Variants in DAB1 observed in about 807,000 individuals in gnomAD.
The protein encoded by DAB1 is DAB adaptor protein 1.
In DAB1, 15 loss-of-function variants were observed where a neutral mutation model predicts 64.6. The observed-to-expected ratio is 0.23, with a 90% confidence interval of 0.16 to 0.36. The LOEUF is 0.36. Ranked by LOEUF, DAB1 falls within the 10% of genes least tolerant of loss-of-function variation. The pLI, the probability that DAB1 is intolerant of heterozygous loss-of-function variation, is 1.00. For synonymous variants in DAB1, 235 were observed against 251.9 expected, an observed-to-expected ratio of 0.93 and a Z score of 0.64; for missense variants, 596 against 706.7, an observed-to-expected ratio of 0.84 and a Z score of 1.78.
chr1:57,771,105 C>T (rs991583455), intron 6 of DAB1, among the ~76,000 whole-genome samples: 2 of 152,192 alleles, frequency 1.3e-5, no homozygotes, highest in African/African-American at 2.4e-5. Context: ...AATGTACATG[C>T]CCCATACCTG....
rs1653544550 is a variant in DAB1, at chr1:58,131,227, C to T, written n.387+19284G>A. ...TTCATTTCATCTTCCATTGCTGATACCCTTTCTTCCAGTTGATCGCATCGG... is the reference window on the plus strand; with the variant it reads ...TTCATTTCATCTTCCATTGCTGATATCCTTTCTTCCAGTTGATCGCATCGG... On this transcript the variant is annotated intron_variant and non_coding_transcript_variant, in intron 5 of 20. Transcript: ENST00000485760. Among the ~76,000 whole-genome samples the T allele has an allele frequency of 3.4e-5, 5 of 145,520 alleles. No individual in the cohort carries two copies. The South Asian group carries it at 1.2e-3, about 35-fold the overall frequency.
At chr1:58,119,398 G>A (rs1354297404) in intron 5 of DAB1, among the ~76,000 whole-genome samples, 1 of 151,398 alleles carries the variant, frequency 6.6e-6, no homozygotes, top group Non-Finnish European at 1.5e-5. Flanking sequence ...AAATATTAAT[G>A]TATTTAATTG....
At chr1:57,258,504 C>T (rs988569474) in intron 2 of DAB1, among the ~76,000 whole-genome samples, 2 of 152,068 alleles carry the variant, frequency 1.3e-5, no homozygotes, top group Non-Finnish European at 2.9e-5. Flanking sequence ...TTTTGTTTAT[C>T]GGAGCTGTGC....
At chr1:57,719,085 A>C (rs891698516) in intron 6 of DAB1, among the ~76,000 whole-genome samples, 4 of 152,246 alleles carry the variant, frequency 2.6e-5, no homozygotes, top group African/African-American at 7.2e-5. Flanking sequence ...TAAGTGAAAA[A>C]ACATATGTTG....
chr1:57,063,510 G>A (rs1479095684), intron 8 of DAB1, among the ~76,000 whole-genome samples: 2 of 152,148 alleles, frequency 1.3e-5, no homozygotes, highest in South Asian at 2.1e-4. Flanking sequence ...GGCCTAGTAC[G>A]CAGAAGATCT....
At chr1:57,082,573 T>A (rs141444708) in intron 4 of DAB1, among the ~76,000 whole-genome samples, 1 of 152,196 alleles carries the variant, frequency 6.6e-6, no homozygotes. Flanking sequence ...GTGCAGGACA[T>A]GCAGGTTTGT....
At chr1:57,721,651 T>C (rs1162308099) in intron 6 of DAB1, among the ~76,000 whole-genome samples, 2 of 152,190 alleles carry the variant, frequency 1.3e-5, no homozygotes, top group Non-Finnish European at 2.9e-5. Context: ...AGCCACTATG[T>C]TGAGCTGCTT....
At chr1:57,829,925 T>C (rs1652514834) in intron 1 of DAB1, among the ~76,000 whole-genome samples, 1 of 152,218 alleles carries the variant, frequency 6.6e-6, no homozygotes, top group Non-Finnish European at 1.5e-5. Context: ...AGATGTATGA[T>C]ACTATGTTGA....
chr1:57,597,882 C>T (rs775363031), intron 7 of DAB1, among the ~76,000 whole-genome samples: 11 of 152,240 alleles, frequency 7.2e-5, no homozygotes, highest in African/African-American at 9.6e-5. Context: ...TTAAAATATG[C>T]ATACAAGCCA....
intron 6 of DAB1, among the ~76,000 whole-genome samples, chr1:57,766,048 TC>T (rs1649297257): frequency 6.6e-6 from 1 of 152,144 alleles, no homozygotes; most frequent in Non-Finnish European, 1.5e-5. Flanking sequence ...GTTCACTCCT[TC>T]GGTGATCTCA....
At chr1:58,328,911 G>C (rs1285279731) in intron 4 of DAB1, among the ~76,000 whole-genome samples, 2 of 152,046 alleles carry the variant, frequency 1.3e-5, no homozygotes, top group East Asian at 3.9e-4. Flanking sequence ...ATTTCTCAAG[G>C]CCTAACTTAA....
At chr1:58,375,927 A>C (rs565800075) in intron 3 of DAB1, among the ~76,000 whole-genome samples, 1 of 143,682 alleles carries the variant, frequency 7.0e-6, no homozygotes, top group African/African-American at 2.5e-5. Context: ...GTATGTGTCC[A>C]GGAATGTATC....
At chr1:58,372,768 A>C (rs1481896985) in intron 3 of DAB1, among the ~76,000 whole-genome samples, 1 of 152,164 alleles carries the variant, frequency 6.6e-6, no homozygotes, top group Non-Finnish European at 1.5e-5. Flanking sequence ...ATGCTTTAAA[A>C]GTGTTTGGCA....
intron 11 of DAB1, among the ~76,000 whole-genome samples, chr1:57,016,309 T>A (rs1646430109): frequency 6.6e-6 from 1 of 152,080 alleles, no homozygotes. Context: ...GGGCCAGATG[T>A]GGTGGCTTAT....
At chr1:57,548,619 T>C (rs1384506883) in intron 7 of DAB1, among the ~76,000 whole-genome samples, 5 of 152,208 alleles carry the variant, frequency 3.3e-5, no homozygotes, top group Non-Finnish European at 5.9e-5. Flanking sequence ...GACTTAACAG[T>C]ATTTTCTCCT....
rs192259003 is a variant in DAB1 at position 57,328,032 on chromosome 1, G to T, written c.-136-36866C>A. Among the ~76,000 whole-genome samples, 64 of 152,304 alleles carry T rather than the reference G, an allele frequency of 4.2e-4. 1 individual carries two copies. Among genetic ancestry groups the T allele is most frequent in the African/African-American group, 1.2e-3 (51 of 41,570 alleles). Reference sequence around the variant, plus strand: ...ACCATTACAGAGCAAATGCTACTGAGTAGATTAGGTTTAAAAATACACTCC... The same window carrying T: ...ACCATTACAGAGCAAATGCTACTGATTAGATTAGGTTTAAAAATACACTCC... On this transcript the variant is annotated intron_variant, in intron 1 of 14. Coordinates refer to ENST00000371236, the MANE Select transcript of DAB1 (RefSeq NM_001365792.1).
chr1:58,363,849 C>T (rs1287476632), intron 3 of DAB1, among the ~76,000 whole-genome samples: 1 of 149,838 alleles, frequency 6.7e-6, no homozygotes, highest in Non-Finnish European at 1.5e-5. Context: ...CACTGGGGAG[C>T]CTCAGGGGGA....
At chr1:57,761,428 A>G (rs191294721) in intron 6 of DAB1, among the ~76,000 whole-genome samples, 1 of 152,316 alleles carries the variant, frequency 6.6e-6, no homozygotes, top group East Asian at 1.9e-4. Flanking sequence ...AATCATGATT[A>G]TGGGGCTTGG....
chr1:58,195,079 T>C (rs1454262793), intron 4 of DAB1, among the ~76,000 whole-genome samples: 1 of 151,638 alleles, frequency 6.6e-6, no homozygotes, highest in African/African-American at 2.4e-5. Flanking sequence ...GTGGGAGAGA[T>C]AAGAAAAGGG....
Sources: gnomAD v4.1 joint callset for allele counts (sites outside exome capture counted in the v4.1 genomes callset) on GRCh38, gnomAD v4.1.1 for gene constraint, MANE v1.5 for transcripts, NCBI Gene and HGNC (gene_info 2026-07-23, HGNC 2026-07-21) for gene names.